MAP3K21: variants seen among roughly 807,000 people sequenced by gnomAD.
MAP3K21 encodes mitogen-activated protein kinase kinase kinase MLK4.
A neutral mutation model predicts 86.1 loss-of-function variants in MAP3K21; 63 were observed. The observed-to-expected ratio is 0.73, with a 90% CI of 0.60 to 0.90. The LOEUF (loss-of-function observed/expected upper bound fraction) is 0.90, where lower values mean the gene tolerates loss of function less well. MAP3K21 is among the 40% of genes least tolerant of loss of function. The pLI, the probability that MAP3K21 is intolerant of heterozygous loss-of-function variation, is 0.00. For synonymous variants in MAP3K21, 558 were observed against 564.8 expected (o/e 0.99, Z 0.17); for missense variants, 1,220 against 1,367.7 (o/e 0.89, Z 1.70).
intron 4 of MAP3K21, among the ~76,000 whole-genome samples, chr1:233,359,781 A>G (rs1209161971): frequency 1.3e-5 from 2 of 152,246 alleles, no homozygotes; most frequent in Non-Finnish European, 2.9e-5. Flanking sequence ...TACTGCTAGT[A>G]ATCTCATCAA....
intron 5 of MAP3K21, among the ~76,000 whole-genome samples, chr1:233,367,137 G>A (rs190219605): frequency 1.3e-4 from 20 of 152,242 alleles, no homozygotes; most frequent in African/African-American, 4.6e-4. Context: ...CCAAAAGTTG[G>A]TATGTCACTA....
chr1:233,329,362 T>C (rs773421132), intron 1 of MAP3K21, among the ~76,000 whole-genome samples: 1 of 152,140 alleles, frequency 6.6e-6, no homozygotes, highest in Non-Finnish European at 1.5e-5. Flanking sequence ...CATTCAAATG[T>C]CTCTCTATGG....
chr1:233,330,338 G>A (rs1482419713), intron 1 of MAP3K21, among the ~76,000 whole-genome samples: 3 of 152,252 alleles, frequency 2.0e-5, no homozygotes, highest in East Asian at 3.9e-4. Flanking sequence ...TTAGTACTTT[G>A]ACAGACCACA....
At chr1:233,344,576 C>T (rs1476364155) in intron 1 of MAP3K21, among the ~76,000 whole-genome samples, 1 of 152,062 alleles carries the variant, frequency 6.6e-6, no homozygotes, top group African/African-American at 2.4e-5. Flanking sequence ...ATACAAAAAT[C>T]AATTCAAGAT....
At chr1:233,375,656 T>C (rs974472529) in intron 6 of MAP3K21, 16 of 482,334 alleles carry the variant, frequency 3.3e-5, no homozygotes, top group Non-Finnish European at 5.8e-5. Flanking sequence ...AATAAATAGA[T>C]TAAAAAGTAA....
intron 1 of MAP3K21, among the ~76,000 whole-genome samples, chr1:233,333,450 A>G (rs1005910246): frequency 1.3e-5 from 2 of 152,190 alleles, no homozygotes; most frequent in African/African-American, 4.8e-5. Context: ...TGCGTATTAA[A>G]AAGTAAGTAG....
chr1:233,339,302 T>C (rs12066184), intron 1 of MAP3K21, among the ~76,000 whole-genome samples: 1,330 of 124,886 alleles, frequency 0.011, 231 homozygotes, highest in Non-Finnish European at 0.017. Context: ...CTCTTCTTCT[T>C]CCTCTTCTTC....
intron 5 of MAP3K21, 99 bp downstream of exon 5, chr1:233,362,392 C>G (rs2102758820): frequency 7.7e-7 from 1 of 1,297,550 alleles, no homozygotes; most frequent in Non-Finnish European, 1.1e-6. Context: ...AGGGAAGTAA[C>G]TTTGTAAAAC....
Position 233,379,295 on chromosome 1 carries a change from C to T in MAP3K21, c.2289C>T (p.Ile763=), listed in dbSNP as rs376183589. The stretch of plus-strand genomic sequence containing the variant: ...AAGAGAAGAAGAAACGAGAGGGAAT[C>T]TTCCAGCGGGCTTCCAAGTCCCGCA... ...PKEEKKKREG[I]FQRASKSRRS... Residue 763 remains isoleucine, a synonymous_variant, in exon 9 of 10, where the codon ATC becomes ATT. Transcript: ENST00000366624. The T allele has an allele frequency of 1.6e-5, 26 of 1,614,114 alleles. No individual in the cohort carries two copies. The African/African-American group carries it at 2.7e-4, about 17-fold the overall frequency.
intron 2 of MAP3K21, among the ~76,000 whole-genome samples, chr1:233,353,545 C>G (rs146639936): frequency 6.6e-6 from 1 of 152,252 alleles, no homozygotes; most frequent in East Asian, 1.9e-4. Context: ...ACTACTCTTA[C>G]GCTTTCCTAT....
chr1:233,375,091 G>A (rs1430763935), intron 6 of MAP3K21, among the ~76,000 whole-genome samples: 5 of 151,828 alleles, frequency 3.3e-5, no homozygotes, highest in South Asian at 2.1e-4. Context: ...ACAGGCGCCC[G>A]CCACCATGCC....
At chr1:233,378,909 A>G (rs188322458) in intron 8 of MAP3K21, 22 bp from the exon 9 acceptor site, 272 of 1,539,252 alleles carry the variant, frequency 1.8e-4, no homozygotes, top group Middle Eastern at 1.6e-3. Flanking sequence ...ACTACAGTGT[A>G]TGTACTTATA....
chr1:233,380,102 C>G (rs191574280), intron 9 of MAP3K21, among the ~76,000 whole-genome samples: 2 of 152,280 alleles, frequency 1.3e-5, no homozygotes, highest in Non-Finnish European at 2.9e-5. Context: ...CTGTACATGT[C>G]ATTGTTCTGT....
chr1:233,327,939 G>T lies in MAP3K21; in HGVS notation c.-90G>T. On this transcript the variant is annotated 5_prime_UTR_variant, in exon 1 of 10. Coordinates refer to ENST00000366624, the MANE Select transcript of MAP3K21 (RefSeq NM_032435.3). ...TACCCCCTCGCCTTCCCCCGGCGCC[G>T]ACGGCCACACCGCCGGACGATGCGC... The T allele has an allele frequency of 1.8e-6, 2 of 1,091,706 alleles. No homozygotes were observed. Among genetic ancestry groups the T allele is most frequent in the South Asian group, 4.5e-5 (1 of 22,360 alleles). 67.6% of individuals were successfully genotyped at this position (1,091,706 alleles called of 1,614,324 possible). A position where few individuals can be genotyped will look rare whatever the true frequency, so the allele number is the denominator to read the frequency against.
Position 233,361,983 on chromosome 1 carries a change from G to A in MAP3K21, c.1312-70G>A, listed in dbSNP as rs895139625. ...AGCCCGTGGCCGAGGGGTCGCCAGTGTAGTGTAATAGACGGAATTCCCTTC... is the reference window on the plus strand; with the variant it reads ...AGCCCGTGGCCGAGGGGTCGCCAGTATAGTGTAATAGACGGAATTCCCTTC... On this transcript the variant is annotated intron_variant, in intron 4 of 9. Coordinates refer to ENST00000366624, the MANE Select transcript of MAP3K21 (RefSeq NM_032435.3). 2.6e-6 allele frequency: 4 copies of A among 1,553,960 alleles called. No individual in the cohort carries two copies. The African/African-American group carries it at 5.4e-5, about 21-fold the overall frequency.
intron 1 of MAP3K21, among the ~76,000 whole-genome samples, chr1:233,343,054 C>T (rs1357872908): frequency 3.3e-5 from 5 of 152,166 alleles, no homozygotes; most frequent in Non-Finnish European, 7.4e-5. Context: ...TAATAAGCCC[C>T]TACTCAAATA....
chr1:233,367,120 A>G (rs949642925), intron 5 of MAP3K21, among the ~76,000 whole-genome samples: 1 of 152,186 alleles, frequency 6.6e-6, no homozygotes, highest in Non-Finnish European at 1.5e-5. Flanking sequence ...CAAAAGCTTT[A>G]AAGCCTCCAA....
intron 6 of MAP3K21, among the ~76,000 whole-genome samples, chr1:233,375,234 G>A (rs944409547): frequency 2.0e-5 from 3 of 152,014 alleles, no homozygotes; most frequent in African/African-American, 2.4e-5. Flanking sequence ...GAGCCATGGC[G>A]CCTGGCCCCA....
Position 233,362,329 on chromosome 1 carries a change from G to A in MAP3K21, c.1552+36G>A, listed in dbSNP as rs771869515. ...GTTTTTATGTTTTTGAAAGATTTTT[G>A]TGTGTCCTCCTTTTAATCAGTTTTC... On this transcript the variant is annotated intron_variant, in intron 5 of 9. Coordinates refer to ENST00000366624, the MANE Select transcript of MAP3K21 (RefSeq NM_032435.3). 1.9e-6 allele frequency: 3 copies of A among 1,605,730 alleles called. No individual in the cohort carries two copies. In the Admixed American group the frequency reaches 5.0e-5, roughly 27 times the overall value.
Sources: gnomAD v4.1 joint callset for allele counts (sites outside exome capture counted in the v4.1 genomes callset) on GRCh38, gnomAD v4.1.1 for gene constraint, MANE v1.5 for transcripts, NCBI Gene and HGNC (gene_info 2026-07-23, HGNC 2026-07-21) for gene names.